The following SEMA7A variants were observed in gnomAD, a reference collection of about 807,000 sequenced individuals.
SEMA7A encodes the protein semaphorin 7A (JohnMiltonHagen blood group).
SEMA7A carries 21 observed loss-of-function variants against 67.5 expected under a neutral mutation model. The observed-to-expected ratio is 0.31, with a 90% CI of 0.22 to 0.45. The LOEUF (loss-of-function observed/expected upper bound fraction) is 0.45, where lower values mean the gene tolerates loss of function less well. Ranked by LOEUF, SEMA7A falls within the 20% of genes least tolerant of loss-of-function variation. SEMA7A has a pLI of 1.00. For missense variants in SEMA7A, 774 were observed against 908.6 expected (o/e 0.85, Z 1.90); for synonymous variants, 364 against 368.5 (o/e 0.99, Z 0.14).
intron 1 of SEMA7A, among the ~76,000 whole-genome samples, chr15:74,432,367 G>A (rs533794121): frequency 6.6e-6 from 1 of 152,142 alleles, no homozygotes; most frequent in Non-Finnish European, 1.5e-5. Context: ...AGCACTGCTC[G>A]GCTTCCTCCA....
chr15:74,418,041 C>G, intron 3 of SEMA7A, 72 bp from the exon 4 acceptor site: 1 of 1,522,632 alleles, frequency 6.6e-7, no homozygotes, highest in Non-Finnish European at 9.1e-7. Flanking sequence ...GCACTAGGAC[C>G]CCCAGGATCA....
chr15:74,417,955 G>A lies in SEMA7A; in HGVS notation c.387C>T (p.Tyr129=), dbSNP rs1465856745. The A allele has an allele frequency of 1.2e-6, 2 of 1,613,210 alleles. No individual in the cohort carries two copies. Among genetic ancestry groups the A allele is most frequent in the Admixed American group, 1.7e-5 (1 of 60,028 alleles). Residue 129 remains tyrosine (Y), a synonymous_variant, in exon 4 of 14, where the codon TAC becomes TAT. Transcript: ENST00000261918. The part of the protein sequence containing the change: ...SCLDKRDCEN[Y]ITLLERRSEG... ...CACTCCGCCTCTCCAGGAGAGTGATGTAGTTCTCGCAGTCCTGCCCGGGGA... is the reference window on the plus strand; with the variant it reads ...CACTCCGCCTCTCCAGGAGAGTGATATAGTTCTCGCAGTCCTGCCCGGGGA...
chr15:74,433,445 C>T (rs2061109498), intron 1 of SEMA7A: 3 of 643,520 alleles, frequency 4.7e-6, no homozygotes, highest in African/African-American at 1.9e-5. Flanking sequence ...GAGGGGCCCG[C>T]CCCCTCCCCT....
rs1355207583 is a variant in SEMA7A, at chr15:74,433,852, C to T, written c.67G>A (p.Ala23Thr). The T allele has an allele frequency of 1.9e-5, 25 of 1,318,260 alleles. No homozygotes were observed. The Admixed American group carries it at 9.4e-4, about 49-fold the overall frequency. The allele number at this position is 1,318,260 out of a possible 1,614,324, so 81.7% of individuals were successfully genotyped here. ...AGCCGCAGCGGAAGCCCCAACCGAGCCGGCGGGCCAGGGACGCGGGCGCGC... is the reference window on the plus strand; with the variant it reads ...AGCCGCAGCGGAAGCCCCAACCGAGTCGGCGGGCCAGGGACGCGGGCGCGC... ...APRARVPGPP[A>T]RLGLPLRLRL... The change falls in exon 1 of 14, where the codon GCT (alanine) becomes ACT (threonine). Residue 23 changes from alanine to threonine, a missense_variant. Ala to Thr is a moderately conservative substitution (Grantham distance 58, BLOSUM62 0). Around this residue, in one of 2 missense-constraint regions of SEMA7A, gnomAD observed 347 missense variants for 353.2 expected, o/e 0.98. Transcript: ENST00000261918.
chr15:74,432,154 G>A (rs1165303510), intron 1 of SEMA7A, among the ~76,000 whole-genome samples: 2 of 152,022 alleles, frequency 1.3e-5, no homozygotes, highest in East Asian at 3.9e-4. Context: ...AAATGCAAGG[G>A]GTTTGATGGA....
chr15:74,413,908 C>G (rs1193237494), intron 10 of SEMA7A, among the ~76,000 whole-genome samples: 1 of 152,166 alleles, frequency 6.6e-6, no homozygotes, highest in Non-Finnish European at 1.5e-5. Flanking sequence ...GAAGCTGCGA[C>G]AAACCCAACT....
intron 1 of SEMA7A, among the ~76,000 whole-genome samples, chr15:74,424,205 G>A (rs1450894379): frequency 6.6e-6 from 1 of 152,130 alleles, no homozygotes; most frequent in Non-Finnish European, 1.5e-5. Context: ...TGGCTGTGAC[G>A]GTGATTGGGG....
intron 1 of SEMA7A, among the ~76,000 whole-genome samples, chr15:74,429,628 T>G (rs12439178): frequency 0.16 from 24,452 of 152,260 alleles, 2,991 homozygotes; most frequent in East Asian, 0.54. Flanking sequence ...AGGCCTTCCC[T>G]GCCTGCCACG....
rs1300263723 is a variant in SEMA7A at position 74,414,056 on chromosome 15, T to C, written c.1294+491A>G. On this transcript the variant is annotated intron_variant, in intron 10 of 13. Coordinates refer to ENST00000261918, the MANE Select transcript of SEMA7A (RefSeq NM_003612.5). This position sits in a 1 kb window ranked among gnomAD's most constrained non-coding sequence, Gnocchi z 4.1. ...CCTGTCCTCTGTGAGATGGCAAAGG[T>C]TCTGCCCCCTGGAACTCCTTCCTCA... Among the ~76,000 whole-genome samples, 1 of 152,102 alleles carries C rather than the reference T, an allele frequency of 6.6e-6. No individual in the cohort carries two copies. The highest frequency in any genetic ancestry group is 1.5e-5 in the Non-Finnish European group (1 of 68,002).
intron 1 of SEMA7A, chr15:74,433,488 GGACTTGGTGC>G (rs2061110401): frequency 1.8e-6 from 2 of 1,091,250 alleles, no homozygotes; most frequent in African/African-American, 1.6e-5. Flanking sequence ...TGGCTGCCAG[GGACTTGGTGC>G]GACTTAGCCG....
chr15:74,412,114 G>T, intron 10 of SEMA7A, 102 bp from the exon 11 acceptor site: 1 of 1,431,334 alleles, frequency 7.0e-7, no homozygotes, highest in Non-Finnish European at 9.6e-7. Flanking sequence ...ACTCAGGCAA[G>T]GGTCACAGGA....
At position 74,418,849 on chromosome 15, in the gene SEMA7A, C is replaced by G; in HGVS notation, c.282G>C (p.Lys94Asn). 2 of 1,613,938 alleles carry G rather than the reference C, an allele frequency of 1.2e-6. No homozygotes were observed. The highest frequency in any genetic ancestry group is 1.7e-6 in the Non-Finnish European group (2 of 1,180,016). The change falls in exon 2 of 14, where the codon AAG (lysine) becomes AAC (asparagine). Residue 94 changes from lysine (K) to asparagine (N), a missense_variant. Physicochemically the swap from Lys to Asn is moderately conservative, Grantham distance 94 (BLOSUM62 0). Coordinates refer to ENST00000261918, the MANE Select transcript of SEMA7A (RefSeq NM_003612.5). ...SSSVWVGGRG[K>N]VYLFDFPEGK... ...CCTCGGGGAAGTCAAAGAGGTAGAC[C>G]TTGCCACGTCCTCCCACCCACACAG...
chr15:74,418,477 G>A (rs2060971823), intron 2 of SEMA7A, among the ~76,000 whole-genome samples, 168 bp from the exon 3 acceptor site: 1 of 152,212 alleles, frequency 6.6e-6, no homozygotes, highest in Admixed American at 6.5e-5. Flanking sequence ...AGGTCAAACA[G>A]GGTCTCATAT....
rs1217196290 is a variant in SEMA7A, at chr15:74,411,443, A to C, written c.1578-87T>G. ...CCTTACCCCAGTGCAGTTCCAGCAG[A>C]GAGGAGGGTCCCACAAGAAAGGCCC... On this transcript the variant is annotated intron_variant, in intron 12 of 13. Coordinates refer to ENST00000261918, the MANE Select transcript of SEMA7A (RefSeq NM_003612.5). This position sits in a 1 kb window ranked among gnomAD's most constrained non-coding sequence, Gnocchi z 4.4. 1 of 1,554,692 alleles carries C rather than the reference A, an allele frequency of 6.4e-7. No homozygotes were observed. Among genetic ancestry groups the C allele is most frequent in the Non-Finnish European group, 8.7e-7 (1 of 1,146,090 alleles).
intron 1 of SEMA7A, among the ~76,000 whole-genome samples, chr15:74,421,073 TGGGTG>T (rs2060996670): frequency 6.6e-6 from 1 of 152,224 alleles, no homozygotes; most frequent in South Asian, 2.1e-4. Flanking sequence ...GACAGGACTC[TGGGTG>T]GGGGCACCCT....
In SEMA7A at chr15:74,417,648, C is replaced by T. The variant is rs138109375; in HGVS notation, c.493G>A (p.Glu165Lys). ...CTGAAGGGGGCGTAGCCTCTCATCT[C>T]GCCAAGTGGCACCACAGTGCCATTC... is the stretch of plus-strand genomic sequence containing the variant. ...LVNGTVVPLG[E>K]MRGYAPFSPD... The change falls in exon 5 of 14, where the codon GAG becomes AAG. Residue 165 changes from glutamate to lysine, a missense_variant. Coordinates refer to ENST00000261918, the MANE Select transcript of SEMA7A (RefSeq NM_003612.5). 8.7e-5 allele frequency: 140 copies of T among 1,612,410 alleles called. No individual in the cohort carries two copies. In the African/African-American group the frequency reaches 1.2e-3, roughly 14 times the overall value.
rs752942003 is a variant in SEMA7A, at chr15:74,414,780, G to A, written c.1096-35C>T. ...GAGAGCAGGCCCAGGTCAGTGGGGTGGTGGGAGGTGAGGCAGAAGGAGGGC... is the reference window on the plus strand; with the variant it reads ...GAGAGCAGGCCCAGGTCAGTGGGGTAGTGGGAGGTGAGGCAGAAGGAGGGC... On this transcript the variant is annotated intron_variant, in intron 9 of 13. Coordinates refer to ENST00000261918, the MANE Select transcript of SEMA7A (RefSeq NM_003612.5). The surrounding 1 kb of genome is among the most constrained non-coding windows in gnomAD (Gnocchi z 4.1). 23 of 1,613,788 alleles carry A rather than the reference G, an allele frequency of 1.4e-5. No individual in the cohort carries two copies. Among genetic ancestry groups the A allele is most frequent in the Non-Finnish European group, 1.4e-5 (17 of 1,179,852 alleles).
chr15:74,415,052 T>A, intron 8 of SEMA7A, 106 bp from the exon 9 acceptor site: 1 of 851,512 alleles, frequency 1.2e-6, no homozygotes, highest in Non-Finnish European at 2.0e-6. Context: ...CAACCACCAC[T>A]GAAAATGGGG....
chr15:74,416,460 G>A lies in SEMA7A; in HGVS notation c.801+115C>T, dbSNP rs1596190621. 9.8e-6 allele frequency: 11 copies of A among 1,127,240 alleles called. No homozygotes were observed. In the East Asian group the frequency reaches 2.8e-4, roughly 28 times the overall value. The allele number at this position is 1,127,240 out of a possible 1,614,324, so 69.8% of individuals were successfully genotyped here. ...AGCTGCTCCCACAGTCCCTGACACA[G>A]ACCCACTCATACATCCACACAACTT... is the stretch of plus-strand genomic sequence containing the variant. On this transcript the variant is annotated intron_variant, in intron 7 of 13. Transcript: ENST00000261918.
Sources: allele counts gnomAD v4.1 joint callset (sites outside exome capture counted in the v4.1 genomes callset), GRCh38; gene constraint gnomAD v4.1.1; regional missense constraint gnomAD v4.1.1; non-coding constraint Gnocchi (gnomAD v3.1); transcripts MANE v1.5; gene names NCBI Gene and HGNC (gene_info 2026-07-23, HGNC 2026-07-21).